DNAJC1: variants seen among roughly 807,000 people sequenced by gnomAD.
The protein encoded by DNAJC1 is dnaJ homolog subfamily C member 1.
DNAJC1 carries 58 observed loss-of-function variants against 76.6 expected under a neutral mutation model. The ratio of observed to expected loss-of-function variants is 0.76; its 90% CI spans 0.61 to 0.94. The LOEUF is 0.94. Ranked by LOEUF, DNAJC1 falls within the 40% of genes least tolerant of loss-of-function variation. The pLI is 0.00. For missense variants in DNAJC1, 689 were observed against 677.3 expected, an observed-to-expected ratio of 1.02 and a Z score of -0.19; for synonymous variants, 258 against 267.9, an observed-to-expected ratio of 0.96 and a Z score of 0.36.
At chr10:21,771,216 A>G (rs978728368) in intron 9 of DNAJC1, among the ~76,000 whole-genome samples, 1 of 152,188 alleles carries the variant, frequency 6.6e-6, no homozygotes, top group African/African-American at 2.4e-5. Flanking sequence ...GATTTTCTAT[A>G]TATAAAATCA....
intron 1 of DNAJC1, among the ~76,000 whole-genome samples, chr10:21,943,473 G>GCTTCTGC (rs1837454358): frequency 6.6e-6 from 1 of 152,238 alleles, no homozygotes; most frequent in South Asian, 2.1e-4. Flanking sequence ...TCTGCCTACT[G>GCTTCTGC]TACCTTCCAA....
At chr10:21,835,370 A>ATGGGAAAAAAACAGAGCAGAAAAAC in intron 8 of DNAJC1, among the ~76,000 whole-genome samples, 1 of 152,156 alleles carries the variant, frequency 6.6e-6, no homozygotes, top group Non-Finnish European at 1.5e-5. Context: ...AACCACAAAG[A>ATGGGAAAAAAACAGAGCAGAAAAAC]TGGGAAAAAA....
chr10:21,821,225 G>A (rs1416940403), intron 8 of DNAJC1, among the ~76,000 whole-genome samples: 2 of 152,152 alleles, frequency 1.3e-5, no homozygotes. Context: ...GGAGGTCAGA[G>A]AGAGAGAGAT....
At chr10:21,972,458 T>C (rs1203147582) in intron 1 of DNAJC1, among the ~76,000 whole-genome samples, 2 of 152,042 alleles carry the variant, frequency 1.3e-5, no homozygotes, top group Non-Finnish European at 2.9e-5. Flanking sequence ...AATGCAACAA[T>C]ATAACTTTCT....
intron 3 of DNAJC1, among the ~76,000 whole-genome samples, chr10:21,926,670 G>A (rs181954182): frequency 1.1e-4 from 17 of 152,254 alleles, no homozygotes; most frequent in Admixed American, 2.0e-4. Context: ...ACAAGCTTTA[G>A]AGGAGTGATT....
intron 1 of DNAJC1, among the ~76,000 whole-genome samples, chr10:21,962,002 T>C (rs78034143): frequency 0.012 from 1,784 of 152,232 alleles, 30 homozygotes; most frequent in African/African-American, 0.041. Context: ...ATTACTCACA[T>C]CCTCCCTCCT....
chr10:21,831,001 TTTC>T (rs1375259414), intron 8 of DNAJC1, among the ~76,000 whole-genome samples: 4 of 152,190 alleles, frequency 2.6e-5, no homozygotes, highest in Non-Finnish European at 4.4e-5. Context: ...TCAGATTGGT[TTTC>T]TTATCTCTTA....
At chr10:21,942,099 C>T (rs1837423202) in intron 1 of DNAJC1, among the ~76,000 whole-genome samples, 1 of 151,962 alleles carries the variant, frequency 6.6e-6, no homozygotes, top group Admixed American at 6.5e-5. Flanking sequence ...TACAACTGAT[C>T]AACAAACTAA....
At chr10:21,784,842 C>G (rs180857199) in intron 9 of DNAJC1, among the ~76,000 whole-genome samples, 3 of 151,502 alleles carry the variant, frequency 2.0e-5, no homozygotes, top group African/African-American at 4.9e-5. Context: ...TAGGTGGGAA[C>G]TGAACAATGA....
intron 7 of DNAJC1, among the ~76,000 whole-genome samples, chr10:21,903,994 T>C (rs897569072): frequency 3.9e-5 from 6 of 152,204 alleles, no homozygotes; most frequent in Non-Finnish European, 4.4e-5. Flanking sequence ...TTACATAATA[T>C]GTTCAACTTT....
At chr10:21,970,919 T>C (rs1002178556) in intron 1 of DNAJC1, among the ~76,000 whole-genome samples, 1 of 151,948 alleles carries the variant, frequency 6.6e-6, no homozygotes, top group African/African-American at 2.4e-5. Flanking sequence ...CTTATTGAGG[T>C]CTAGTTGACA....
intron 9 of DNAJC1, among the ~76,000 whole-genome samples, chr10:21,778,570 T>G (rs1296883395): frequency 1.3e-5 from 2 of 152,226 alleles, no homozygotes; most frequent in Non-Finnish European, 1.5e-5. Flanking sequence ...TTCAAGAGAC[T>G]GCAGATTAAT....
At chr10:21,780,902 T>C (rs1834520404) in intron 9 of DNAJC1, among the ~76,000 whole-genome samples, 1 of 152,070 alleles carries the variant, frequency 6.6e-6, no homozygotes, top group Non-Finnish European at 1.5e-5. Flanking sequence ...TGGAGGAAGA[T>C]CTACCAAGCA....
Position 21,874,460 on chromosome 10 carries a change from G to C in DNAJC1, c.978+7822C>G, listed in dbSNP as rs60551964. ...AAAAAAAAAAAAAGAGAGAGATGAG[G>C]TACAAAGTACTGCTATATGCTACAC... On this transcript the variant is annotated intron_variant, in intron 8 of 11. Transcript: ENST00000376980. 2.5e-3 allele frequency among the ~76,000 whole-genome samples: 385 copies of C among 151,474 alleles called. 3 individuals are homozygous for C. The highest frequency in any genetic ancestry group is 8.8e-3 in the African/African-American group (362 of 41,332).
chr10:21,768,526 A>T (rs1459418820), intron 9 of DNAJC1, among the ~76,000 whole-genome samples: 1 of 152,236 alleles, frequency 6.6e-6, no homozygotes, highest in Admixed American at 6.5e-5. Context: ...ACAAACCCTT[A>T]GCATGATACC....
rs548617226 is a variant in DNAJC1, at chr10:21,776,604, TCTC to T, written c.1099-10298_1099-10296del. On this transcript the variant is annotated intron_variant, in intron 9 of 11. Transcript: ENST00000376980. Reference sequence around the variant, plus strand: ...AAAATTATTTTTTTCTCCTCTCCCTTCTCCTCCTAAATAAGCCACCTGAAAAAA... The same window carrying T: ...AAAATTATTTTTTTCTCCTCTCCCTTCTCCTAAATAAGCCACCTGAAAAAA... 1.6e-4 allele frequency among the ~76,000 whole-genome samples: 24 copies of T among 152,076 alleles called. No homozygotes were observed. The South Asian group carries it at 5.0e-3, about 32-fold the overall frequency.
intron 8 of DNAJC1, among the ~76,000 whole-genome samples, chr10:21,809,184 T>C (rs1327740362): frequency 2.0e-5 from 3 of 152,090 alleles, no homozygotes; most frequent in Non-Finnish European, 2.9e-5. Context: ...TCTCACAGCT[T>C]TGGACTATAA....
intron 7 of DNAJC1, among the ~76,000 whole-genome samples, chr10:21,895,912 A>C (rs1836533717): frequency 6.6e-6 from 1 of 152,176 alleles, no homozygotes; most frequent in African/African-American, 2.4e-5. Flanking sequence ...AATGTTCCTC[A>C]GTCACCTCAG....
At chr10:21,816,270 G>T (rs964984808) in intron 8 of DNAJC1, among the ~76,000 whole-genome samples, 2 of 151,820 alleles carry the variant, frequency 1.3e-5, no homozygotes, top group African/African-American at 4.8e-5. Flanking sequence ...TGAGGCAGGA[G>T]AATTGCTGGA....
Sources: gnomAD v4.1 joint callset for allele counts (sites outside exome capture counted in the v4.1 genomes callset) on GRCh38, gnomAD v4.1.1 for gene constraint, MANE v1.5 for transcripts, NCBI Gene and HGNC (gene_info 2026-07-23, HGNC 2026-07-21) for gene names.